Variants in CBFB observed in about 807,000 individuals in gnomAD.
CBFB encodes core-binding factor subunit beta, also known as CBF-beta.
In CBFB, 9 loss-of-function variants were observed where a neutral mutation model predicts 30.4. The observed-to-expected ratio is 0.30, with a 90% CI of 0.18 to 0.52. The LOEUF (loss-of-function observed/expected upper bound fraction) is 0.52. CBFB is among the 20% of genes least tolerant of loss of function. The pLI is 0.97. For synonymous variants in CBFB, 94 were observed against 84.0 expected (o/e 1.12, Z -0.65); for missense variants, 170 against 244.0 (o/e 0.70, Z 2.02).
At chr16:67,052,173 C>T (rs1330959243) in intron 3 of CBFB, among the ~76,000 whole-genome samples, 1 of 152,122 alleles carries the variant, frequency 6.6e-6, no homozygotes, top group Non-Finnish European at 1.5e-5. Flanking sequence ...AGCCACTGTG[C>T]CTGACCCAAG....
chr16:67,055,242 G>T (rs1036658889), intron 3 of CBFB, among the ~76,000 whole-genome samples: 1 of 150,926 alleles, frequency 6.6e-6, no homozygotes, highest in African/African-American at 2.4e-5. Context: ...TTTTTGGAGG[G>T]TCTAATTTAT....
chr16:67,038,554 T>C (rs1034936271), intron 3 of CBFB, among the ~76,000 whole-genome samples: 3 of 152,224 alleles, frequency 2.0e-5, no homozygotes, highest in African/African-American at 7.2e-5. Context: ...TGTATTAGCT[T>C]GTTTGCTTGG....
At chr16:67,075,246 A>G (rs1961359817) in intron 4 of CBFB, among the ~76,000 whole-genome samples, 1 of 147,742 alleles carries the variant, frequency 6.8e-6, no homozygotes, top group Non-Finnish European at 1.5e-5. Context: ...AAGAACTCTT[A>G]CATTTCAGTG....
At chr16:67,054,419 G>C (rs1053665339) in intron 3 of CBFB, among the ~76,000 whole-genome samples, 3 of 152,044 alleles carry the variant, frequency 2.0e-5, no homozygotes, top group Non-Finnish European at 4.4e-5. Context: ...TAAAATCTTT[G>C]TCTCCATGTT....
chr16:67,095,928 G>A (rs1228097224), intron 5 of CBFB, among the ~76,000 whole-genome samples: 1 of 151,662 alleles, frequency 6.6e-6, no homozygotes, highest in East Asian at 2.0e-4. Context: ...CTGACCTCAG[G>A]TGATCCGCCC....
intron 3 of CBFB, among the ~76,000 whole-genome samples, chr16:67,058,425 A>G (rs1960793755): frequency 6.6e-6 from 1 of 152,150 alleles, no homozygotes; most frequent in Admixed American, 6.5e-5. Flanking sequence ...ACAGGCGTGA[A>G]CCACCACGCC....
chr16:67,079,265 T>G lies in CBFB; in HGVS notation c.400-2948T>G, dbSNP rs1428864167. 3.9e-5 allele frequency among the ~76,000 whole-genome samples: 6 copies of G among 152,332 alleles called. No individual in the cohort carries two copies. The East Asian group carries it at 1.2e-3, about 29-fold the overall frequency. On this transcript the variant is annotated intron_variant, in intron 4 of 5. Transcript: ENST00000412916. Reference sequence around the variant, plus strand: ...ATGCCTTTCTTACATGTAAATTTACTGAGGCTTAGAGAAATGAAATAACAT... The same window carrying G: ...ATGCCTTTCTTACATGTAAATTTACGGAGGCTTAGAGAAATGAAATAACAT...
chr16:67,090,664 C>G (rs994937450), intron 5 of CBFB, among the ~76,000 whole-genome samples: 1 of 152,154 alleles, frequency 6.6e-6, no homozygotes, highest in African/African-American at 2.4e-5. Flanking sequence ...TCCAAGGTGA[C>G]AGGGTGCTTA....
rs1460500638 is a variant in CBFB at position 67,099,899 on chromosome 16, TAGAG to T, written c.*1125_*1128del. ...ATGCTGGGTGATGAAAGATTAGTTT[TAGAG>T]AGAAAATGTTCATCTGTGCAGAGGA... is the stretch of plus-strand genomic sequence containing the variant. On this transcript the variant is annotated 3_prime_UTR_variant, in exon 6 of 6. Transcript: ENST00000412916. 1 of 211,638 alleles carries T rather than the reference TAGAG, an allele frequency of 4.7e-6. No homozygotes were observed. The highest frequency in any genetic ancestry group is 2.3e-5 in the African/African-American group (1 of 44,098). The allele number at this position is 211,638 out of a possible 1,614,324, so 13.1% of individuals were successfully genotyped here. A position where few individuals can be genotyped will look rare whatever the true frequency, so the allele number is the denominator to read the frequency against.
intron 4 of CBFB, among the ~76,000 whole-genome samples, chr16:67,067,212 T>TAAA (rs773186476): frequency 1.5e-5 from 2 of 130,062 alleles, no homozygotes; most frequent in Non-Finnish European, 1.7e-5. Context: ...AAAAATTGTT[T>TAAA]AAAAAAAAAA....
intron 2 of CBFB, among the ~76,000 whole-genome samples, chr16:67,034,402 TTTTG>T (rs200055510): frequency 0.013 from 1,949 of 152,332 alleles, 24 homozygotes; most frequent in Middle Eastern, 0.034. Context: ...AATGTTTTCA[TTTTG>T]TTTATTTTCG....
chr16:67,051,005 T>C (rs966749482), intron 3 of CBFB, among the ~76,000 whole-genome samples: 10 of 152,334 alleles, frequency 6.6e-5, no homozygotes, highest in South Asian at 2.1e-4. Context: ...TTAAAACTTA[T>C]GAATTGTTTA....
chr16:67,040,638 T>C (rs1276225799), intron 3 of CBFB, among the ~76,000 whole-genome samples: 1 of 152,194 alleles, frequency 6.6e-6, no homozygotes, highest in Non-Finnish European at 1.5e-5. Flanking sequence ...CTGAGCATTG[T>C]CCTAGGTATT....
At chr16:67,080,405 A>G (rs911182400) in intron 4 of CBFB, among the ~76,000 whole-genome samples, 2 of 152,156 alleles carry the variant, frequency 1.3e-5, no homozygotes, top group Non-Finnish European at 2.9e-5. Flanking sequence ...TCAAGTGGGT[A>G]GGACTCAGTG....
chr16:67,039,262 GGTAA>G (rs1966492215), intron 3 of CBFB, among the ~76,000 whole-genome samples: 1 of 152,050 alleles, frequency 6.6e-6, no homozygotes, highest in Non-Finnish European at 1.5e-5. Context: ...AACACAATTT[GGTAA>G]GTATTTGTGT....
intron 3 of CBFB, among the ~76,000 whole-genome samples, chr16:67,040,973 C>T (rs1290801651): frequency 2.0e-5 from 3 of 152,110 alleles, no homozygotes; most frequent in Non-Finnish European, 4.4e-5. Flanking sequence ...GCCATTGTGG[C>T]TGGAGTAGAC....
chr16:67,057,107 C>T (rs945538735), intron 3 of CBFB, among the ~76,000 whole-genome samples: 2 of 150,652 alleles, frequency 1.3e-5, no homozygotes, highest in East Asian at 2.0e-4. Context: ...CTCAGCCTCC[C>T]GAGTTGGTGG....
At chr16:67,054,930 AT>A (rs751572190) in intron 3 of CBFB, among the ~76,000 whole-genome samples, 646 of 122,620 alleles carry the variant, frequency 5.3e-3, no homozygotes, top group Admixed American at 5.8e-3. Flanking sequence ...AATTTTTTGT[AT>A]TTTTTTTTTT....
At chr16:67,093,368 GTTTTTTTTTTTTTTTT>G (rs398042202) in intron 5 of CBFB, 1 of 96,800 alleles carries the variant, frequency 1.0e-5, no homozygotes, top group African/African-American at 4.4e-5. Flanking sequence ...TTTTCAGCAG[GTTTTTTTTTTTTTTTT>G]TTTTTTTTTT....
Sources: gnomAD v4.1 joint callset for allele counts (sites outside exome capture counted in the v4.1 genomes callset) on GRCh38, gnomAD v4.1.1 for gene constraint, MANE v1.5 for transcripts, NCBI Gene and HGNC (gene_info 2026-07-23, HGNC 2026-07-21) for gene names.